Variants in ANKRD50 observed in about 807,000 individuals in gnomAD.
The protein encoded by ANKRD50 is ankyrin repeat domain-containing protein 50.
A neutral mutation model predicts 112.0 loss-of-function variants in ANKRD50; 40 were observed. The ratio of observed to expected loss-of-function variants is 0.36; its 90% confidence interval spans 0.28 to 0.46. ANKRD50 has a LOEUF of 0.46. Among genes scored for constraint, ANKRD50 ranks in the 20% least tolerant of loss-of-function variants. ANKRD50 has a pLI of 1.00. For missense variants in ANKRD50, 1,487 were observed against 1,701.7 expected (o/e 0.87, Z 2.22); for synonymous variants, 613 against 619.1 (o/e 0.99, Z 0.15).
intron 2 of ANKRD50, among the ~76,000 whole-genome samples, chr4:124,687,170 A>C (rs1194431920): frequency 6.6e-6 from 1 of 152,258 alleles, no homozygotes; most frequent in Non-Finnish European, 1.5e-5. Context: ...CAGATTAATA[A>C]AAATTCTGGA....
At chr4:124,700,191 A>C (rs1725358636) in intron 2 of ANKRD50, among the ~76,000 whole-genome samples, 1 of 152,226 alleles carries the variant, frequency 6.6e-6, no homozygotes, top group Non-Finnish European at 1.5e-5. Context: ...GCCATACAAA[A>C]ATGTGCTGGC....
intron 2 of ANKRD50, among the ~76,000 whole-genome samples, chr4:124,699,256 T>TAAA (rs35038493): frequency 2.8e-5 from 4 of 145,258 alleles, no homozygotes; most frequent in African/African-American, 1.0e-4. Flanking sequence ...GCAGATATGA[T>TAAA]AAAAAAAAAA....
intron 3 of ANKRD50, 77 bp downstream of exon 3, chr4:124,678,599 A>G: frequency 7.7e-7 from 1 of 1,304,230 alleles, no homozygotes; most frequent in South Asian, 1.3e-5. Flanking sequence ...CAGATGTTCA[A>G]CTGCATACTT....
Position 124,669,359 on chromosome 4 carries a change from T to C in ANKRD50, c.3918A>G (p.Arg1306=). The change falls in exon 4 of 5, where the codon AGA becomes AGG. Residue 1306 remains arginine, a synonymous_variant. Coordinates refer to ENST00000504087, the MANE Select transcript of ANKRD50 (RefSeq NM_020337.3). Reference sequence around the variant, plus strand: ...TCCCGGATTTGGCTATAGGTCCTCTTCTATCAAACTGAGTCATTTCATATT... The same window carrying C: ...TCCCGGATTTGGCTATAGGTCCTCTCCTATCAAACTGAGTCATTTCATATT... The part of the protein sequence containing the change: ...VLEYEMTQFD[R]RGPIAKSGTA... 3 of 1,613,668 alleles carry C rather than the reference T, an allele frequency of 1.9e-6. No individual in the cohort carries two copies. The South Asian group carries it at 3.3e-5, about 18-fold the overall frequency.
chr4:124,671,427 G>C lies in ANKRD50; in HGVS notation c.1850C>G (p.Ser617Cys), dbSNP rs750129829. ...TDQDGWTALRSAAWGGHTEVV... is the reference protein window; with the variant it reads ...TDQDGWTALRCAAWGGHTEVV... The stretch of plus-strand genomic sequence containing the variant: ...CTCAGTATGGCCACCCCAAGCAGCA[G>C]ATCTTAATGCTGTCCAACCATCTTG... Residue 617 changes from serine to cysteine, a missense_variant, in exon 4 of 5, where the codon TCT becomes TGT. Transcript: ENST00000504087. 2 of 1,613,844 alleles carry C rather than the reference G, an allele frequency of 1.2e-6. No individual in the cohort carries two copies. The highest frequency in any genetic ancestry group is 2.2e-5 in the South Asian group (2 of 91,080).
intron 2 of ANKRD50, among the ~76,000 whole-genome samples, chr4:124,696,538 G>GA (rs1227025712): frequency 6.6e-6 from 1 of 151,840 alleles, no homozygotes; most frequent in Admixed American, 6.5e-5. Context: ...ATATAAAATA[G>GA]AAAAAATACC....
intron 2 of ANKRD50, among the ~76,000 whole-genome samples, chr4:124,709,238 C>T (rs1196387178): frequency 7.1e-6 from 1 of 141,332 alleles, no homozygotes. Flanking sequence ...TGAGCAGAGG[C>T]ATGATATGCA....
At chr4:124,674,194 T>C (rs1023544221) in intron 3 of ANKRD50, among the ~76,000 whole-genome samples, 11 of 152,004 alleles carry the variant, frequency 7.2e-5, no homozygotes, top group African/African-American at 2.4e-4. Context: ...TTTTACATTA[T>C]ATAGTGTTTT....
chr4:124,671,696 G>A lies in ANKRD50; in HGVS notation c.1581C>T (p.Ser527=), dbSNP rs1185208755. ...CTCCATTATCTAATAATGTCCGAAT[G>A]GAATCCTCTCTTTCTAAGGCTTGTC... ...IVRQALERED[S]IRTLLDNGAS... The change falls in exon 4 of 5, where the codon TCC becomes TCT. Residue 527 remains serine, a synonymous_variant. Transcript: ENST00000504087. 1.9e-6 allele frequency: 3 copies of A among 1,613,826 alleles called. No individual in the cohort carries two copies. Among genetic ancestry groups the A allele is most frequent in the Non-Finnish European group, 2.5e-6 (3 of 1,179,850 alleles).
chr4:124,700,170 T>C (rs1177109557), intron 2 of ANKRD50, among the ~76,000 whole-genome samples: 8 of 152,152 alleles, frequency 5.3e-5, no homozygotes, highest in Non-Finnish European at 1.0e-4. Context: ...TAAATGAAAA[T>C]AGGGCAAATA....
chr4:124,706,790 C>T (rs1578596165), intron 2 of ANKRD50, among the ~76,000 whole-genome samples: 1 of 152,066 alleles, frequency 6.6e-6, no homozygotes, highest in Non-Finnish European at 1.5e-5. Context: ...ATCGCTTAGC[C>T]TACCCTACCT....
chr4:124,708,137 C>T lies in ANKRD50; in HGVS notation c.512+1863G>A, dbSNP rs1314971622. 2.0e-5 allele frequency among the ~76,000 whole-genome samples: 3 copies of T among 152,290 alleles called. No individual in the cohort carries two copies. The East Asian group carries it at 5.8e-4, about 29-fold the overall frequency. On this transcript the variant is annotated intron_variant, in intron 2 of 4. Transcript: ENST00000504087. Reference sequence around the variant, plus strand: ...ATCACAAAGAAATGAAAATTCTGCTCTGCCACTAGTATCTTCAGAAAAAGC... The same window carrying T: ...ATCACAAAGAAATGAAAATTCTGCTTTGCCACTAGTATCTTCAGAAAAAGC...
chr4:124,688,860 G>C (rs574199560), intron 2 of ANKRD50, among the ~76,000 whole-genome samples: 2 of 152,242 alleles, frequency 1.3e-5, no homozygotes, highest in East Asian at 1.9e-4. Context: ...CCCTGCACTT[G>C]GTTCTTTAAA....
intron 2 of ANKRD50, among the ~76,000 whole-genome samples, chr4:124,699,468 A>G (rs141073189): frequency 1.3e-3 from 191 of 152,274 alleles, no homozygotes; most frequent in Non-Finnish European, 2.3e-3. Context: ...CAATTTAACC[A>G]ACATATCAAT....
intron 2 of ANKRD50, among the ~76,000 whole-genome samples, chr4:124,706,103 C>G (rs1725497659): frequency 6.6e-6 from 1 of 151,984 alleles, no homozygotes; most frequent in African/African-American, 2.4e-5. Context: ...ATGGTTATTT[C>G]TCTCTATATG....
At chr4:124,677,902 G>T (rs1378860446) in intron 3 of ANKRD50, among the ~76,000 whole-genome samples, 1 of 151,984 alleles carries the variant, frequency 6.6e-6, no homozygotes, top group East Asian at 1.9e-4. Flanking sequence ...TAAATGCTAC[G>T]TTAAGTGTTA....
chr4:124,701,770 T>C (rs925738327), intron 2 of ANKRD50, among the ~76,000 whole-genome samples: 6 of 151,740 alleles, frequency 4.0e-5, no homozygotes, highest in African/African-American at 1.2e-4. Context: ...AAGTGATCCT[T>C]CCACCTCAGC....
chr4:124,692,582 C>CCTA (rs945352346), intron 2 of ANKRD50, among the ~76,000 whole-genome samples: 2 of 152,046 alleles, frequency 1.3e-5, no homozygotes, highest in Non-Finnish European at 2.9e-5. Context: ...AGAGGCAGGG[C>CCTA]CTGTAGGAGG....
intron 2 of ANKRD50, among the ~76,000 whole-genome samples, chr4:124,704,240 C>T (rs1725456042): frequency 1.3e-5 from 2 of 152,066 alleles, no homozygotes; most frequent in Admixed American, 1.3e-4. Flanking sequence ...TTTAATTTGA[C>T]AATACTTAAG....
Sources: gnomAD v4.1 joint callset for allele counts (sites outside exome capture counted in the v4.1 genomes callset) on GRCh38, gnomAD v4.1.1 for gene constraint, MANE v1.5 for transcripts, NCBI Gene and HGNC (gene_info 2026-07-23, HGNC 2026-07-21) for gene names.